Variants in TTC28 observed in about 807,000 individuals in gnomAD.
The protein encoded by TTC28 is tetratricopeptide repeat domain 28.
In TTC28, 61 loss-of-function variants were observed where a neutral mutation model predicts 198.0. The observed-to-expected ratio is 0.31, with a 90% CI of 0.25 to 0.38. TTC28 has a LOEUF of 0.38. Ranked by LOEUF, TTC28 falls within the 10% of genes least tolerant of loss-of-function variation. TTC28 has a pLI of 1.00. For missense variants in TTC28, 2,678 were observed against 3,164.0 expected, an observed-to-expected ratio of 0.85 and a Z score of 3.69; for synonymous variants, 1,171 against 1,297.8, an observed-to-expected ratio of 0.90 and a Z score of 2.10.
At chr22:28,189,992 G>C (rs1313176180) in intron 5 of TTC28, among the ~76,000 whole-genome samples, 1 of 152,162 alleles carries the variant, frequency 6.6e-6, no homozygotes, top group Non-Finnish European at 1.5e-5. Context: ...CTAGAGCATT[G>C]TGCTGGGCAC....
intron 2 of TTC28, among the ~76,000 whole-genome samples, chr22:28,566,790 A>G (rs1305765126): frequency 6.6e-6 from 1 of 152,222 alleles, no homozygotes; most frequent in Admixed American, 6.5e-5. Flanking sequence ...GGAAGATAAA[A>G]CAGAAAATAT....
chr22:28,135,700 T>C (rs1716597376), intron 6 of TTC28, among the ~76,000 whole-genome samples: 1 of 152,080 alleles, frequency 6.6e-6, no homozygotes, highest in African/African-American at 2.4e-5. Context: ...AAAGAGTACC[T>C]AAGAGAAGCA....
At chr22:28,128,544 ATTTT>A (rs766103972) in intron 6 of TTC28, among the ~76,000 whole-genome samples, 1 of 151,794 alleles carries the variant, frequency 6.6e-6, no homozygotes, top group Non-Finnish European at 1.5e-5. Context: ...TTATTTTTTT[ATTTT>A]TGTTTTTGAG....
chr22:28,353,096 A>G (rs1354401347), intron 2 of TTC28, among the ~76,000 whole-genome samples: 1 of 152,190 alleles, frequency 6.6e-6, no homozygotes, highest in Non-Finnish European at 1.5e-5. Flanking sequence ...CCCAAAACAC[A>G]GGACAGACAA....
chr22:28,582,727 T>G (rs2050250083), intron 2 of TTC28, among the ~76,000 whole-genome samples: 1 of 152,148 alleles, frequency 6.6e-6, no homozygotes, highest in African/African-American at 2.4e-5. Context: ...CTCATCAAAT[T>G]AAAAACAAGA....
At chr22:28,670,098 T>G (rs9608696) in intron 1 of TTC28, among the ~76,000 whole-genome samples, 3 of 136,534 alleles carry the variant, frequency 2.2e-5, no homozygotes, top group Non-Finnish European at 3.2e-5. Context: ...AAAATAAAAA[T>G]GGGGGGGGGG....
At chr22:27,988,906 G>A (rs1411462567) in intron 21 of TTC28, among the ~76,000 whole-genome samples, 1 of 152,196 alleles carries the variant, frequency 6.6e-6, no homozygotes, top group Non-Finnish European at 1.5e-5. Context: ...CTTAGACACT[G>A]TATTAGGTTT....
chr22:28,217,670 G>A (rs1026985366), intron 5 of TTC28, among the ~76,000 whole-genome samples: 3 of 152,108 alleles, frequency 2.0e-5, no homozygotes, highest in Non-Finnish European at 2.9e-5. Context: ...TAATGCATCA[G>A]TTCTAAAAAC....
chr22:28,445,047 CT>C (rs1273985313), intron 2 of TTC28, among the ~76,000 whole-genome samples: 1 of 152,204 alleles, frequency 6.6e-6, no homozygotes, highest in Non-Finnish European at 1.5e-5. Context: ...CTCTTCCCAA[CT>C]TTCCTTTCTC....
At chr22:28,306,786 GAACT>G (rs1446013816) in intron 2 of TTC28, 143 bp from the exon 3 acceptor site, 1 of 842,612 alleles carries the variant, frequency 1.2e-6, no homozygotes, top group Non-Finnish European at 1.8e-6. Context: ...GTAATGAAAT[GAACT>G]AACTTCTAAC....
At chr22:28,550,534 T>G (rs1401479065) in intron 2 of TTC28, among the ~76,000 whole-genome samples, 1 of 152,110 alleles carries the variant, frequency 6.6e-6, no homozygotes, top group Admixed American at 6.6e-5. Flanking sequence ...CATGCCCTAC[T>G]TCTATCAGGA....
chr22:28,219,669 A>G (rs1236424419), intron 5 of TTC28, among the ~76,000 whole-genome samples: 2 of 152,220 alleles, frequency 1.3e-5, no homozygotes, highest in Non-Finnish European at 2.9e-5. Context: ...ACACCTAACC[A>G]AAGATCAAGA....
chr22:28,214,137 G>T (rs1198039739), intron 5 of TTC28, among the ~76,000 whole-genome samples: 1 of 151,852 alleles, frequency 6.6e-6, no homozygotes, highest in Non-Finnish European at 1.5e-5. Context: ...ATTCAAGATG[G>T]GATAAAAGAC....
chr22:28,321,684 T>C lies in TTC28; in HGVS notation c.382-15041A>G, dbSNP rs187528916. On this transcript the variant is annotated intron_variant, in intron 2 of 22. Transcript: ENST00000397906. ...AGCACAGTGTCTAGTACAGAGTAGC[T>C]ATCCCACAAATGACAACTTAGAAAA... Among the ~76,000 whole-genome samples, 361 of 152,324 alleles carry C rather than the reference T, an allele frequency of 2.4e-3. 1 individual carries two copies. The highest frequency in any genetic ancestry group is 8.3e-3 in the African/African-American group (345 of 41,564).
chr22:28,121,181 C>T (rs1942777723), intron 6 of TTC28, among the ~76,000 whole-genome samples: 2 of 152,174 alleles, frequency 1.3e-5, no homozygotes. Context: ...TCTTGTAATC[C>T]ACTTTAAATC....
intron 13 of TTC28, among the ~76,000 whole-genome samples, chr22:28,023,638 G>C (rs2146610236): frequency 6.6e-6 from 1 of 152,348 alleles, no homozygotes; most frequent in East Asian, 1.9e-4. Flanking sequence ...AACTTCCAGA[G>C]CTGGATTAGT....
intron 6 of TTC28, among the ~76,000 whole-genome samples, chr22:28,123,081 T>C (rs952690063): frequency 1.3e-5 from 2 of 152,210 alleles, no homozygotes; most frequent in African/African-American, 4.8e-5. Context: ...CAAACTTCTC[T>C]TGGCAGCAAA....
intron 2 of TTC28, among the ~76,000 whole-genome samples, chr22:28,385,607 GAAGTAT>G (rs1374309573): frequency 3.3e-5 from 5 of 151,746 alleles, no homozygotes; most frequent in African/African-American, 1.2e-4. Context: ...ATTAATAGTA[GAAGTAT>G]AAGTAATAGG....
rs192176721 is a variant in TTC28 at position 28,362,672 on chromosome 22, A to G, written c.382-56029T>C. ...CAAAATGCTGATAATGATATGGACA[A>G]TGAAATCCAGGCTGAGGTGGTCTCA... is the stretch of plus-strand genomic sequence containing the variant. On this transcript the variant is annotated intron_variant, in intron 2 of 22. Coordinates refer to ENST00000397906, the MANE Select transcript of TTC28 (RefSeq NM_001145418.2). Among the ~76,000 whole-genome samples, 4 of 152,330 alleles carry G rather than the reference A, an allele frequency of 2.6e-5. No homozygotes were observed. The East Asian group carries it at 7.7e-4, about 29-fold the overall frequency.
Sources: allele counts gnomAD v4.1 joint callset (sites outside exome capture counted in the v4.1 genomes callset), GRCh38; gene constraint gnomAD v4.1.1; transcripts MANE v1.5; gene names NCBI Gene and HGNC (gene_info 2026-07-23, HGNC 2026-07-21).